The following OR10G7 variants were observed in gnomAD, a reference collection of about 807,000 sequenced individuals.
The protein encoded by OR10G7 is olfactory receptor family 10 subfamily G member 7, also known as olfactory receptor 10G7.
For synonymous variants in OR10G7, 165 were observed against 167.4 expected (o/e 0.99, Z 0.11); for missense variants, 338 against 382.1 (o/e 0.88, Z 0.96).
intron 1 of OR10G7, among the ~76,000 whole-genome samples, chr11:124,039,933 G>A (rs891463725): frequency 6.8e-5 from 10 of 146,760 alleles, no homozygotes; most frequent in Non-Finnish European, 4.5e-5. Flanking sequence ...TGTAAAAATT[G>A]TCTTCCATTA....
At position 124,038,393 on chromosome 11, in the gene OR10G7, C is replaced by T. The variant is rs1864211636; in HGVS notation, c.609G>A (p.Gly203=). Residue 203 remains glycine (G), a synonymous_variant, in exon 2 of 2, where the codon GGG becomes GGA. Coordinates refer to ENST00000641585, the MANE Select transcript of OR10G7 (RefSeq NM_001004463.2). ...GGACAAAGCAGCCCGAGGCCACTAG[C>T]CCAATATTCACAAAGATGACCATCT... ...ANEMVIFVNI[G]LVASGCFVLI... is the part of the protein sequence containing the mutation. 5 of 1,614,020 alleles carry T rather than the reference C, an allele frequency of 3.1e-6. No homozygotes were observed. The highest frequency in any genetic ancestry group is 1.3e-5 in the African/African-American group (1 of 74,952).
rs750311471 is a variant in OR10G7 at position 124,038,311 on chromosome 11, C to T, written c.691G>A (p.Glu231Lys). The T allele has an allele frequency of 1.9e-6, 3 of 1,614,112 alleles. No homozygotes were observed. Among genetic ancestry groups the T allele is most frequent in the South Asian group, 1.1e-5 (1 of 91,084 alleles). ...GTCTGAAAGGCTCTGTGCCTCCCCT[C>T]TGAGGTGCGGATCCGCAGGATGGAA... Reference protein sequence around the residue: ...VCSILRIRTSEGRHRAFQTCA... With the variant: ...VCSILRIRTSKGRHRAFQTCA... The change falls in exon 2 of 2, where the codon GAG (glutamate) becomes AAG (lysine). Residue 231 changes from glutamate (E) to lysine (K), a missense_variant. By Grantham distance (56) the Glu-to-Lys change is moderately conservative. Coordinates refer to ENST00000641585, the MANE Select transcript of OR10G7 (RefSeq NM_001004463.2).
intron 1 of OR10G7, among the ~76,000 whole-genome samples, chr11:124,039,610 G>A (rs902527947): frequency 1.3e-5 from 2 of 152,144 alleles, no homozygotes; most frequent in Admixed American, 6.5e-5. Flanking sequence ...TCCAGCAGTG[G>A]TTTAGCATTA....
rs766911838 is a variant in OR10G7, at chr11:124,038,149, C to T, written c.853G>A (p.Val285Ile). 1.2e-6 allele frequency: 2 copies of T among 1,614,022 alleles called. No individual in the cohort carries two copies. The highest frequency in any genetic ancestry group is 1.7e-5 in the Admixed American group (1 of 60,002). ...TCCTTGTTTCTCAGGGTGTACACAA[C>T]AGGGTTGAAAAGAGGAGTCAGCGTG... Reference protein sequence around the residue: ...YTTLTPLFNPVVYTLRNKEVK... With the variant: ...YTTLTPLFNPIVYTLRNKEVK... The change falls in exon 2 of 2, where the codon GTT (valine) becomes ATT (isoleucine). Residue 285 changes from valine (V) to isoleucine (I), a missense_variant. Physicochemically the swap from Val to Ile is conservative, Grantham distance 29. Coordinates refer to ENST00000641585, the MANE Select transcript of OR10G7 (RefSeq NM_001004463.2).
chr11:124,039,033 G>A lies in OR10G7; in HGVS notation c.-20-12C>T. On this transcript the variant is annotated splice_polypyrimidine_tract_variant and intron_variant, in intron 1 of 1. Transcript: ENST00000641585. Reference sequence around the variant, plus strand: ...TCATATATGGGGCTCTGTTCTTACAGAAAGGAAGGGAGATAGCATTTACTG... The same window carrying A: ...TCATATATGGGGCTCTGTTCTTACAAAAAGGAAGGGAGATAGCATTTACTG... The A allele has an allele frequency of 6.3e-7, 1 of 1,595,354 alleles. No homozygotes were observed. Among genetic ancestry groups the A allele is most frequent in the Non-Finnish European group, 8.6e-7 (1 of 1,167,816 alleles).
At chr11:124,040,575 G>A (rs1217821944) in intron 1 of OR10G7, among the ~76,000 whole-genome samples, 2 of 151,808 alleles carry the variant, frequency 1.3e-5, no homozygotes, top group African/African-American at 2.4e-5. Flanking sequence ...TTGTGGGGGG[G>A]GCTCTGACAG....
Position 124,038,830 on chromosome 11 carries a change from A to G in OR10G7, c.172T>C (p.Tyr58His). Residue 58 changes from tyrosine (Y) to histidine (H), a missense_variant, in exon 2 of 2, where the codon TAC (tyrosine) becomes CAC (histidine). Coordinates refer to ENST00000641585, the MANE Select transcript of OR10G7 (RefSeq NM_001004463.2). ...RVDSHLHTPM[Y>H]YFLTNLSFID... ...AAGGACAGGTTGGTGAGGAAGTAGT[A>G]CATGGGGGTGTGGAGGTGAGAATCC... 2 of 1,613,944 alleles carry G rather than the reference A, an allele frequency of 1.2e-6. No homozygotes were observed. Among genetic ancestry groups the G allele is most frequent in the Non-Finnish European group, 1.7e-6 (2 of 1,179,954 alleles).
Position 124,037,636 on chromosome 11 carries a change from T to C in OR10G7, c.*430A>G, listed in dbSNP as rs1864202263. ...TATTTTCTAAAGTAAAAATTTTATC[T>C]TATGGATATTAAATTATGTAGTTAT... On this transcript the variant is annotated 3_prime_UTR_variant, in exon 2 of 2. Coordinates refer to ENST00000641585, the MANE Select transcript of OR10G7 (RefSeq NM_001004463.2). The C allele has an allele frequency of 6.6e-6, 1 of 152,174 alleles. No homozygotes were observed. Among genetic ancestry groups the C allele is most frequent in the Non-Finnish European group, 1.5e-5 (1 of 68,072 alleles). The allele number at this position is 152,174 out of a possible 1,614,324, so 9.4% of individuals were successfully genotyped here.
chr11:124,039,377 T>A (rs535654105), intron 1 of OR10G7, among the ~76,000 whole-genome samples: 1 of 152,230 alleles, frequency 6.6e-6, no homozygotes, highest in South Asian at 2.1e-4. Flanking sequence ...CATCTCTCTC[T>A]GTTTTTCTCT....
Position 124,038,535 on chromosome 11 carries a change from G to A in OR10G7, c.467C>T (p.Ala156Val). The A allele has an allele frequency of 1.9e-6, 3 of 1,613,848 alleles. No homozygotes were observed. The highest frequency in any genetic ancestry group is 2.5e-6 in the Non-Finnish European group (3 of 1,179,874). Residue 156 changes from alanine to valine, a missense_variant, in exon 2 of 2, where the codon GCT becomes GTT. Coordinates refer to ENST00000641585, the MANE Select transcript of OR10G7 (RefSeq NM_001004463.2). ...ATGGAAAGTCAATATGGTCTGGACAGCAGAGTGCAGAGAGCCACTGAGCCA... is the reference window on the plus strand; with the variant it reads ...ATGGAAAGTCAATATGGTCTGGACAACAGAGTGCAGAGAGCCACTGAGCCA... ...GTWLSGSLHS[A>V]VQTILTFHLP...
At chr11:124,040,718 A>G (rs772910347) in intron 1 of OR10G7, among the ~76,000 whole-genome samples, 168 bp downstream of exon 1, 6 of 152,114 alleles carry the variant, frequency 3.9e-5, no homozygotes, top group Non-Finnish European at 8.8e-5. Flanking sequence ...CAGAACCACA[A>G]AAAGTTGGCT....
rs1565596758 is a variant in OR10G7 at position 124,038,413 on chromosome 11, C to T, written c.589G>A (p.Val197Ile). Residue 197 changes from valine to isoleucine, a missense_variant, in exon 2 of 2, where the codon GTC (valine) becomes ATC (isoleucine). Val to Ile is a conservative substitution (Grantham distance 29, BLOSUM62 3). Coordinates refer to ENST00000641585, the MANE Select transcript of OR10G7 (RefSeq NM_001004463.2). The part of the protein sequence containing the change: ...ACADTSANEM[V>I]IFVNIGLVAS... Reference sequence around the variant, plus strand: ...ACTAGCCCAATATTCACAAAGATGACCATCTCGTTGGCTGAGGTGTCTGCA... The same window carrying T: ...ACTAGCCCAATATTCACAAAGATGATCATCTCGTTGGCTGAGGTGTCTGCA... 2 of 1,614,016 alleles carry T rather than the reference C, an allele frequency of 1.2e-6. No individual in the cohort carries two copies. Among genetic ancestry groups the T allele is most frequent in the African/African-American group, 1.3e-5 (1 of 74,978 alleles).
rs1177673073 is a variant in OR10G7 at position 124,038,137 on chromosome 11, G to C, written c.865C>G (p.Leu289Val). The change falls in exon 2 of 2, where the codon CTG (leucine) becomes GTG (valine). Residue 289 changes from leucine to valine, a missense_variant. Physicochemically the swap from Leu to Val is conservative, Grantham distance 32. Coordinates refer to ENST00000641585, the MANE Select transcript of OR10G7 (RefSeq NM_001004463.2). The part of the protein sequence containing the change: ...TPLFNPVVYT[L>V]RNKEVKKALL... ...GCTTTCTTTACCTCCTTGTTTCTCA[G>C]GGTGTACACAACAGGGTTGAAAAGA... 1 of 1,614,048 alleles carries C rather than the reference G, an allele frequency of 6.2e-7. No homozygotes were observed. Among genetic ancestry groups the C allele is most frequent in the Non-Finnish European group, 8.5e-7 (1 of 1,180,022 alleles).
rs1864238453 is a variant in OR10G7, at chr11:124,041,235, CT to C, written c.-371del. ...AACTATGACACTCTGGATCTGAAAA[CT>C]CCTTGTGCAGGGAATGATTTTTTTC... On this transcript the variant is annotated 5_prime_UTR_variant, in exon 1 of 2. Coordinates refer to ENST00000641585, the MANE Select transcript of OR10G7 (RefSeq NM_001004463.2). 6.6e-6 allele frequency: 1 copy of C among 152,140 alleles called. No individual in the cohort carries two copies. Among genetic ancestry groups the C allele is most frequent in the Non-Finnish European group, 1.5e-5 (1 of 68,034 alleles). The allele number at this position is 152,140 out of a possible 1,614,324, so 9.4% of individuals were successfully genotyped here. A position where few individuals can be genotyped will look rare whatever the true frequency, so the allele number is the denominator to read the frequency against.
rs949646862 is a variant in OR10G7 at position 124,036,776 on chromosome 11, T to C, written c.*1290A>G. 1 of 152,242 alleles carries C rather than the reference T, an allele frequency of 6.6e-6. No homozygotes were observed. Among genetic ancestry groups the C allele is most frequent in the African/African-American group, 2.4e-5 (1 of 41,466 alleles). 9.4% of individuals were successfully genotyped at this position (152,242 alleles called of 1,614,324 possible). ...TGGTTTATGTAGTTCATGCTTCATG[T>C]ACTGTGTCATGGTTTATGTAGCTCA... On this transcript the variant is annotated 3_prime_UTR_variant, in exon 2 of 2. Coordinates refer to ENST00000641585, the MANE Select transcript of OR10G7 (RefSeq NM_001004463.2).
rs1454961693 is a variant in OR10G7 at position 124,036,157 on chromosome 11, C to G, written c.*1909G>C. 6.6e-6 allele frequency: 1 copy of G among 152,112 alleles called. No homozygotes were observed. Among genetic ancestry groups the G allele is most frequent in the Non-Finnish European group, 1.5e-5 (1 of 68,030 alleles). The allele number at this position is 152,112 out of a possible 1,614,324, so 9.4% of individuals were successfully genotyped here. A position where few individuals can be genotyped will look rare whatever the true frequency, so the allele number is the denominator to read the frequency against. Reference sequence around the variant, plus strand: ...TGCACTACAATTTTGCTAACTGTTACCATTGGGGGAAACTGGGCAAGGTAT... The same window carrying G: ...TGCACTACAATTTTGCTAACTGTTAGCATTGGGGGAAACTGGGCAAGGTAT... On this transcript the variant is annotated 3_prime_UTR_variant, in exon 2 of 2. Coordinates refer to ENST00000641585, the MANE Select transcript of OR10G7 (RefSeq NM_001004463.2).
chr11:124,038,255 G>A lies in OR10G7; in HGVS notation c.747C>T (p.Cys249=). 1 of 1,614,068 alleles carries A rather than the reference G, an allele frequency of 6.2e-7. No individual in the cohort carries two copies. The highest frequency in any genetic ancestry group is 8.5e-7 in the Non-Finnish European group (1 of 1,180,032). ...TCASHCIVVL[C]FFGPGLFIYL... The stretch of plus-strand genomic sequence containing the variant: ...AAATGAAAAGACCAGGGCCAAAGAA[G>A]CAAAGGACCACGATACAGTGGGAGG... Residue 249 remains cysteine, a synonymous_variant, in exon 2 of 2, where the codon TGC becomes TGT. Coordinates refer to ENST00000641585, the MANE Select transcript of OR10G7 (RefSeq NM_001004463.2).
At chr11:124,039,337 G>A (rs1490167145) in intron 1 of OR10G7, among the ~76,000 whole-genome samples, 2 of 152,022 alleles carry the variant, frequency 1.3e-5, no homozygotes, top group Non-Finnish European at 2.9e-5. Flanking sequence ...GTGCTGGCAA[G>A]CTCTTTCCGG....
rs1426296198 is a variant in OR10G7 at position 124,038,476 on chromosome 11, AGT to A, written c.524_525del (p.His175LeufsTer4). On this transcript the variant is annotated frameshift_variant, in exon 2 of 2. Coordinates refer to ENST00000641585, the MANE Select transcript of OR10G7 (RefSeq NM_001004463.2). LOFTEE classifies it low-confidence loss of function (END_TRUNC). ...LPYCGPNQIQHYFCDAPPILK... is the reference protein window; with the variant it reads ...LPYCGPNQIQXYFCDAPPILK... ...AGGATGGGCGGTGCGTCACAGAAGT[AGT>A]GCTGGATCTGGTTGGGTCCACAGTA... 1.2e-6 allele frequency: 2 copies of A among 1,613,884 alleles called. No homozygotes were observed. The highest frequency in any genetic ancestry group is 2.2e-5 in the South Asian group (2 of 91,080).
Sources: gnomAD v4.1 joint callset for allele counts (sites outside exome capture counted in the v4.1 genomes callset) on GRCh38, gnomAD v4.1.1 for gene constraint, MANE v1.5 for transcripts, NCBI Gene and HGNC (gene_info 2026-07-23, HGNC 2026-07-21) for gene names.